NCALD: variants seen among roughly 807,000 people sequenced by gnomAD.
NCALD encodes neurocalcin-delta.
NCALD carries 10 observed loss-of-function variants against 18.6 expected under a neutral mutation model. The observed-to-expected ratio is 0.54, with a 90% confidence interval of 0.33 to 0.91. The LOEUF (loss-of-function observed/expected upper bound fraction) is 0.91. Ranked by LOEUF, NCALD falls within the 40% of genes least tolerant of loss-of-function variation. The probability of loss-of-function intolerance (pLI) is 0.03; values close to 1 mark genes in which losing one functional copy is unlikely to be tolerated. For missense variants in NCALD, 184 were observed against 247.6 expected, an observed-to-expected ratio of 0.74 and a Z score of 1.72; for synonymous variants, 88 against 87.4, an observed-to-expected ratio of 1.01 and a Z score of -0.04.
In NCALD at chr8:101,762,213, A is replaced by C. The variant is rs138953541; in HGVS notation, c.-20+28649T>G. On this transcript the variant is annotated intron_variant, in intron 1 of 3. Coordinates refer to ENST00000220931, the MANE Select transcript of NCALD (RefSeq NM_032041.3). Reference sequence around the variant, plus strand: ...ACCTCTTTATTTCCCCAACCCCCCCACAGAGCCTTCATAAAGTAGGTGCTC... The same window carrying C: ...ACCTCTTTATTTCCCCAACCCCCCCCCAGAGCCTTCATAAAGTAGGTGCTC... Among the ~76,000 whole-genome samples, 844 of 152,150 alleles carry C rather than the reference A, an allele frequency of 5.5e-3. 11 individuals carry two copies. Among genetic ancestry groups the C allele is most frequent in the African/African-American group, 0.018 (739 of 41,516 alleles).
chr8:101,690,771 C>T (rs979504014), intron 3 of NCALD: 5 of 985,408 alleles, frequency 5.1e-6, no homozygotes, highest in Non-Finnish European at 6.0e-6. Flanking sequence ...ATGAGCCCAG[C>T]CCTGCCCACA....
chr8:102,109,189 C>T (rs1444893109), intron 1 of NCALD, among the ~76,000 whole-genome samples: 2 of 152,082 alleles, frequency 1.3e-5, no homozygotes, highest in Non-Finnish European at 1.5e-5. Flanking sequence ...ATTCTTCCCT[C>T]CCTTAGAAAA....
chr8:101,717,699 G>C (rs186515685), intron 2 of NCALD, among the ~76,000 whole-genome samples: 2 of 151,720 alleles, frequency 1.3e-5, no homozygotes, highest in Non-Finnish European at 2.9e-5. Context: ...AAGAAAAGAC[G>C]GCCAGACAAA....
chr8:102,024,254 C>CA (rs1398893344), intron 1 of NCALD, among the ~76,000 whole-genome samples: 6 of 152,160 alleles, frequency 3.9e-5, no homozygotes, highest in South Asian at 4.1e-4. Flanking sequence ...CAAACACACA[C>CA]AAAAAAGCCT....
At chr8:102,059,701 C>T (rs1485066573) in intron 1 of NCALD, among the ~76,000 whole-genome samples, 1 of 152,180 alleles carries the variant, frequency 6.6e-6, no homozygotes, top group Admixed American at 6.5e-5. Context: ...GAATTATCTG[C>T]TAAATTTGTT....
At chr8:101,971,164 G>A (rs1043876177) in intron 2 of NCALD, among the ~76,000 whole-genome samples, 1 of 152,044 alleles carries the variant, frequency 6.6e-6, no homozygotes, top group Non-Finnish European at 1.5e-5. Context: ...TTTTCTTTAT[G>A]AATTGTCCAG....
chr8:101,869,764 G>A (rs907796440), intron 4 of NCALD, among the ~76,000 whole-genome samples: 3 of 152,172 alleles, frequency 2.0e-5, no homozygotes, highest in Non-Finnish European at 2.9e-5. Context: ...TGTCACGTCT[G>A]TGCAATGACC....
intron 1 of NCALD, among the ~76,000 whole-genome samples, chr8:102,112,538 C>T (rs1825672715): frequency 6.6e-6 from 1 of 152,120 alleles, no homozygotes; most frequent in African/African-American, 2.4e-5. Context: ...ACACATTTAG[C>T]TATTGTGAAT....
At position 101,920,530 on chromosome 8, in the gene NCALD, T is replaced by C. The variant is rs376652627; in HGVS notation, c.-156-4672A>G. On this transcript the variant is annotated intron_variant, in intron 2 of 6. Coordinates refer to the NCALD transcript ENST00000311028. ...AAACATATGTGGTACATATATACCA[T>C]AGAATACTATGCAGTCATAAAAAAG... Among the ~76,000 whole-genome samples the C allele has an allele frequency of 9.9e-4, 151 of 152,298 alleles. 2 individuals are homozygous for C. The highest frequency in any genetic ancestry group is 3.6e-3 in the African/African-American group (150 of 41,572).
At chr8:101,832,367 A>G (rs989079814) in intron 4 of NCALD, among the ~76,000 whole-genome samples, 6 of 152,176 alleles carry the variant, frequency 3.9e-5, no homozygotes, top group African/African-American at 1.4e-4. Context: ...TGGACGGAGC[A>G]TTTGAACTTC....
intron 2 of NCALD, among the ~76,000 whole-genome samples, chr8:101,991,494 T>C (rs543752493): frequency 6.6e-6 from 1 of 152,166 alleles, no homozygotes; most frequent in African/African-American, 2.4e-5. Flanking sequence ...AAAACTAATT[T>C]TGAAGGATTC....
intron 1 of NCALD, among the ~76,000 whole-genome samples, chr8:102,090,940 C>G (rs1172374014): frequency 6.6e-6 from 1 of 152,120 alleles, no homozygotes; most frequent in South Asian, 2.1e-4. Flanking sequence ...CATTAGAAGC[C>G]CCTTGGGAAA....
chr8:101,868,842 T>C (rs572577516), intron 4 of NCALD, among the ~76,000 whole-genome samples: 122 of 152,204 alleles, frequency 8.0e-4, no homozygotes, highest in Admixed American at 1.6e-3. Flanking sequence ...CTCTGTGGAG[T>C]ATACTTTCAT....
chr8:101,881,219 T>C (rs1468724912), intron 4 of NCALD, among the ~76,000 whole-genome samples: 2 of 152,200 alleles, frequency 1.3e-5, no homozygotes, highest in Non-Finnish European at 2.9e-5. Context: ...TGGTGTCATA[T>C]ATTACTACAT....
At chr8:102,021,640 A>T (rs1244077584) in intron 1 of NCALD, among the ~76,000 whole-genome samples, 2 of 152,146 alleles carry the variant, frequency 1.3e-5, no homozygotes, top group Admixed American at 6.5e-5. Flanking sequence ...AGGTGCCTCC[A>T]CCATGGTGGA....
intron 2 of NCALD, among the ~76,000 whole-genome samples, chr8:101,997,907 A>C (rs1304622958): frequency 1.3e-5 from 2 of 152,236 alleles, no homozygotes; most frequent in Non-Finnish European, 2.9e-5. Flanking sequence ...TTCATTAAAT[A>C]ATGTATGCAC....
At chr8:102,045,676 AT>A (rs1823212564) in intron 1 of NCALD, among the ~76,000 whole-genome samples, 1 of 152,180 alleles carries the variant, frequency 6.6e-6, no homozygotes, top group South Asian at 2.1e-4. Context: ...AAAAAAATTC[AT>A]TGTGACGCTG....
chr8:101,822,063 G>A (rs1164988224), intron 4 of NCALD, among the ~76,000 whole-genome samples: 1 of 152,042 alleles, frequency 6.6e-6, no homozygotes, highest in Non-Finnish European at 1.5e-5. Flanking sequence ...TAAGGTTGTT[G>A]TAAGTATTAA....
At chr8:101,882,262 C>T (rs111436321) in intron 4 of NCALD, among the ~76,000 whole-genome samples, 379 of 152,240 alleles carry the variant, frequency 2.5e-3, no homozygotes, top group Non-Finnish European at 4.4e-3. Flanking sequence ...GCCTCCCTCC[C>T]CACATTCATA....
Sources: allele counts gnomAD v4.1 joint callset (sites outside exome capture counted in the v4.1 genomes callset), GRCh38; gene constraint gnomAD v4.1.1; transcripts MANE v1.5; gene names NCBI Gene and HGNC (gene_info 2026-07-23, HGNC 2026-07-21).